Variants in ZMYM4 observed in about 807,000 individuals in gnomAD.
The protein encoded by ZMYM4 is zinc finger MYM-type protein 4.
Under a neutral mutation model 183.2 loss-of-function variants are expected in ZMYM4, and 31 were observed. The ratio of observed to expected loss-of-function variants is 0.17; its 90% CI spans 0.13 to 0.23. The LOEUF (loss-of-function observed/expected upper bound fraction) is 0.23. Among genes scored for constraint, ZMYM4 ranks in the 10% least tolerant of loss-of-function variants. ZMYM4 has a pLI of 1.00. For synonymous variants in ZMYM4, 592 were observed against 631.2 expected (o/e 0.94, Z 0.93); for missense variants, 1,273 against 1,840.3 (o/e 0.69, Z 5.64).
At chr1:35,276,244 G>GTCCCTCCCTCCCTCCCTCCTTCCC (rs1216286661) in intron 1 of ZMYM4, among the ~76,000 whole-genome samples, 2 of 147,792 alleles carry the variant, frequency 1.4e-5, no homozygotes, top group African/African-American at 5.0e-5. Context: ...ACTCATTTCT[G>GTCCCTCCCTCCCTCCCTCCTTCCC]TCCCTCCCTC....
In ZMYM4 at chr1:35,304,316, G is replaced by A. The variant is rs369454185; in HGVS notation, c.40-21044G>A. 3.5e-3 allele frequency among the ~76,000 whole-genome samples: 529 copies of A among 152,072 alleles called. 2 individuals carry two copies. The highest frequency in any genetic ancestry group is 4.8e-3 in the Non-Finnish European group (328 of 68,004). On this transcript the variant is annotated intron_variant, in intron 1 of 29. Coordinates refer to ENST00000314607, the MANE Select transcript of ZMYM4 (RefSeq NM_005095.3). ...TGGGAGTACAGGCGTGAGCCACCGC[G>A]CCCGGCCATACAGTTTCTTTAGAAG...
intron 2 of ZMYM4, among the ~76,000 whole-genome samples, chr1:35,343,229 T>C (rs1490260334): frequency 1.3e-5 from 2 of 152,196 alleles, no homozygotes; most frequent in Non-Finnish European, 2.9e-5. Flanking sequence ...ATTTTTATGG[T>C]CTATGCTGTG....
chr1:35,410,720 C>G (rs57985804), intron 26 of ZMYM4, among the ~76,000 whole-genome samples: 36,711 of 150,970 alleles, frequency 0.24, 8,950 homozygotes, highest in East Asian at 0.77. Flanking sequence ...TTGGATCTCC[C>G]ACCTCGTGAT....
At chr1:35,350,321 C>T (rs1371415236) in intron 2 of ZMYM4, among the ~76,000 whole-genome samples, 1 of 150,740 alleles carries the variant, frequency 6.6e-6, no homozygotes, top group East Asian at 1.9e-4. Context: ...CAGAGTCTTG[C>T]TCTGTTGCCC....
chr1:35,339,456 A>G (rs546420669), intron 2 of ZMYM4, among the ~76,000 whole-genome samples: 66 of 152,288 alleles, frequency 4.3e-4, no homozygotes, highest in Middle Eastern at 6.8e-3. Context: ...GATGGTCTCA[A>G]ACTCCTGACC....
At chr1:35,319,295 G>A (rs981633902) in intron 1 of ZMYM4, among the ~76,000 whole-genome samples, 1 of 152,098 alleles carries the variant, frequency 6.6e-6, no homozygotes, top group African/African-American at 2.4e-5. Context: ...TTGCATAGTC[G>A]TTTTTATATT....
chr1:35,380,342 T>A (rs919963982), intron 7 of ZMYM4, among the ~76,000 whole-genome samples: 8 of 151,296 alleles, frequency 5.3e-5, no homozygotes, highest in Non-Finnish European at 1.2e-4. Flanking sequence ...TTATTTATTT[T>A]TTTGAGACAG....
Position 35,381,530 on chromosome 1 carries a change from G to GT in ZMYM4, c.1357-14dup. 6.2e-7 allele frequency: 1 copy of GT among 1,613,954 alleles called. No individual in the cohort carries two copies. The highest frequency in any genetic ancestry group is 8.5e-7 in the Non-Finnish European group (1 of 1,179,894). On this transcript the variant is annotated splice_polypyrimidine_tract_variant and intron_variant, in intron 8 of 29. Transcript: ENST00000314607. ...CTCTGCTCCTTGTTTTTGTGTTGCTGTTATTTAATTTCTAGATTCGACATG... is the reference window on the plus strand; with the variant it reads ...CTCTGCTCCTTGTTTTTGTGTTGCTGTTTATTTAATTTCTAGATTCGACATG...
In ZMYM4 at chr1:35,269,042, C is replaced by G; in HGVS notation, c.-5C>G. ...GAGCCGCAGCGGTTCCGAGCGGGGC[C>G]CAACATGGCGGAGAGAGAGGTGGAG... On this transcript the variant is annotated 5_prime_UTR_variant, in exon 1 of 30. Transcript: ENST00000314607. 6.5e-7 allele frequency: 1 copy of G among 1,546,150 alleles called. No individual in the cohort carries two copies. Among genetic ancestry groups the G allele is most frequent in the East Asian group, 2.5e-5 (1 of 40,738 alleles).
chr1:35,400,749 TG>T (rs1223090317), intron 23 of ZMYM4, among the ~76,000 whole-genome samples: 1 of 152,242 alleles, frequency 6.6e-6, no homozygotes, highest in Non-Finnish European at 1.5e-5. Context: ...AGTTCCACTA[TG>T]ACCTTTTGCA....
At chr1:35,395,902 G>A (rs1460218257) in intron 18 of ZMYM4, among the ~76,000 whole-genome samples, 1 of 152,094 alleles carries the variant, frequency 6.6e-6, no homozygotes, top group Non-Finnish European at 1.5e-5. Context: ...GTTAAATAAT[G>A]GAATAAATCA....
chr1:35,311,789 T>G (rs16837277), intron 1 of ZMYM4, among the ~76,000 whole-genome samples: 1,978 of 152,312 alleles, frequency 0.013, 46 homozygotes, highest in African/African-American at 0.045. Flanking sequence ...TAGAAATAGT[T>G]ATATTTATTC....
At chr1:35,371,595 A>C (rs1183891589) in intron 7 of ZMYM4, among the ~76,000 whole-genome samples, 2 of 152,172 alleles carry the variant, frequency 1.3e-5, no homozygotes, top group African/African-American at 4.8e-5. Flanking sequence ...GAAAAAGAGG[A>C]ATAATGCTCT....
chr1:35,412,304 T>G (rs1639946483), intron 26 of ZMYM4, among the ~76,000 whole-genome samples: 1 of 152,128 alleles, frequency 6.6e-6, no homozygotes, highest in Non-Finnish European at 1.5e-5. Flanking sequence ...CATTTTTCTG[T>G]GTATTCTCTA....
intron 2 of ZMYM4, among the ~76,000 whole-genome samples, chr1:35,334,055 G>C (rs1642870001): frequency 6.6e-6 from 1 of 150,444 alleles, no homozygotes. Flanking sequence ...AAAAAAGCAT[G>C]CTGTAATCCC....
chr1:35,368,513 T>C (rs976436181), intron 5 of ZMYM4, among the ~76,000 whole-genome samples: 1 of 152,176 alleles, frequency 6.6e-6, no homozygotes, highest in African/African-American at 2.4e-5. Flanking sequence ...TAAATGAACA[T>C]TAAAAATAGC....
At chr1:35,408,633 A>G (rs1193703645) in intron 26 of ZMYM4, among the ~76,000 whole-genome samples, 1 of 152,148 alleles carries the variant, frequency 6.6e-6, no homozygotes, top group Non-Finnish European at 1.5e-5. Flanking sequence ...GCTACTCAGG[A>G]GACGGAGGCA....
rs552299307 is a variant in ZMYM4 at position 35,280,365 on chromosome 1, T to A, written c.39+11280T>A. Among the ~76,000 whole-genome samples the A allele has an allele frequency of 1.9e-4, 29 of 152,200 alleles. No homozygotes were observed. In the South Asian group the frequency reaches 4.2e-3, roughly 22 times the overall value. On this transcript the variant is annotated intron_variant, in intron 1 of 29. Transcript: ENST00000314607. ...GTTGCACAGGCTGATCTCGAACTCATGAGCTCAAGCAGTCCTCACACCTTG... is the reference window on the plus strand; with the variant it reads ...GTTGCACAGGCTGATCTCGAACTCAAGAGCTCAAGCAGTCCTCACACCTTG...
At chr1:35,286,695 C>T (rs1557915343) in intron 1 of ZMYM4, among the ~76,000 whole-genome samples, 1 of 147,694 alleles carries the variant, frequency 6.8e-6, no homozygotes. Flanking sequence ...ACCTCCTGGG[C>T]TCAAGCAATC....
Sources: gnomAD v4.1 joint callset for allele counts (sites outside exome capture counted in the v4.1 genomes callset) on GRCh38, gnomAD v4.1.1 for gene constraint, MANE v1.5 for transcripts, NCBI Gene and HGNC (gene_info 2026-07-23, HGNC 2026-07-21) for gene names.